RSPH14: variants seen among roughly 807,000 people sequenced by gnomAD.
RSPH14 encodes radial spoke head 14 homolog.
Under a neutral mutation model 26.7 loss-of-function variants are expected in RSPH14, and 20 were observed. That is an observed-to-expected ratio of 0.75 (90% CI 0.53 to 1.09). The LOEUF is 1.09. RSPH14 is among the 50% of genes least tolerant of loss of function. The pLI is 0.00. For synonymous variants in RSPH14, 177 were observed against 189.3 expected (o/e 0.93, Z 0.53); for missense variants, 449 against 457.2 (o/e 0.98, Z 0.16).
chr22:23,162,600 T>C, the RSPH14 span: 1 of 454,780 alleles, frequency 2.2e-6, no homozygotes, highest in African/African-American at 2.0e-5. Flanking sequence ...CCCCACACAT[T>C]CCCCAGCCTC....
At chr22:23,144,897 A>C (rs1328605153), upstream of RSPH14, 1 of 156,940 alleles carries the variant, frequency 6.4e-6, no homozygotes, top group East Asian at 1.9e-4. Flanking sequence ...ATCTAGCCCA[A>C]AACAGCTAAC....
chr22:23,140,214 A>G lies in RSPH14; in HGVS notation c.199+8T>C. ...CAGTCATGGTCACCTGTGCTGTGTC[A>G]CGCTCACCTATGTTCATGGCCTTGT... On this transcript the variant is annotated splice_region_variant and intron_variant, in intron 2 of 6. Transcript: ENST00000216036. The G allele has an allele frequency of 6.2e-7, 1 of 1,612,960 alleles. No individual in the cohort carries two copies. The highest frequency in any genetic ancestry group is 8.5e-7 in the Non-Finnish European group (1 of 1,180,012).
the RSPH14 span, chr22:23,159,107 T>C: frequency 1.3e-6 from 2 of 1,590,612 alleles, no homozygotes; most frequent in Non-Finnish European, 1.7e-6. Context: ...CCTATCCCCC[T>C]GGGCCTCCCT....
At chr22:23,132,025 C>A (rs2070368892) in intron 4 of RSPH14, among the ~76,000 whole-genome samples, 1 of 152,234 alleles carries the variant, frequency 6.6e-6, no homozygotes, top group Admixed American at 6.5e-5. Flanking sequence ...GTAGTCATTT[C>A]TCTCTGAGCC....
At chr22:23,081,890 C>T (rs1001688992) in intron 4 of RSPH14, among the ~76,000 whole-genome samples, 16 of 149,658 alleles carry the variant, frequency 1.1e-4, no homozygotes, top group Non-Finnish European at 2.1e-4. Flanking sequence ...CTTTGGGGGG[C>T]CGAGGCGGGC....
the RSPH14 span, among the ~76,000 whole-genome samples, chr22:23,177,972 A>T: frequency 1.3e-5 from 2 of 152,126 alleles, no homozygotes; most frequent in East Asian, 3.9e-4. Flanking sequence ...GCTAATTTTT[A>T]AATTTTTTTG....
chr22:23,132,395 G>A (rs575091783), intron 4 of RSPH14, among the ~76,000 whole-genome samples: 3 of 152,270 alleles, frequency 2.0e-5, no homozygotes, highest in East Asian at 3.9e-4. Flanking sequence ...CTCGAGCCGT[G>A]GTATCGGGTA....
At chr22:23,161,467 G>A in the RSPH14 span, 1 of 1,566,630 alleles carries the variant, frequency 6.4e-7, no homozygotes, top group Non-Finnish European at 8.8e-7. Context: ...AGGATTCCTG[G>A]TTGATGCTAA....
chr22:23,153,470 G>A, the RSPH14 span: 1 of 673,104 alleles, frequency 1.5e-6, no homozygotes, highest in Non-Finnish European at 1.8e-6. Context: ...CACTCACCAG[G>A]CCAGCAGGGT....
the RSPH14 span, chr22:23,180,685 G>C: frequency 6.6e-6 from 1 of 151,304 alleles, no homozygotes; most frequent in Admixed American, 6.7e-5. Flanking sequence ...GCGGAGCGGA[G>C]AGCAGCGCCC....
the RSPH14 span, among the ~76,000 whole-genome samples, chr22:23,178,356 C>T: frequency 1.3e-5 from 2 of 150,194 alleles, no homozygotes; most frequent in African/African-American, 4.9e-5. Flanking sequence ...GCAGAGGTTG[C>T]GGTGAGCAGA....
chr22:23,130,161 A>AAGAG (rs1443157727), intron 4 of RSPH14, among the ~76,000 whole-genome samples: 59 of 138,506 alleles, frequency 4.3e-4, no homozygotes, highest in African/African-American at 8.5e-4. Context: ...GAAAGAAAGA[A>AAGAG]AAAGAAAAAG....
At chr22:23,133,914 T>G (rs1400957341) in intron 4 of RSPH14, 112 bp downstream of exon 4, 11 of 726,758 alleles carry the variant, frequency 1.5e-5, no homozygotes, top group Non-Finnish European at 2.4e-5. Flanking sequence ...ATATGTATGT[T>G]GTAATTTAAT....
At chr22:23,155,899 C>T in the RSPH14 span, 3 of 1,432,298 alleles carry the variant, frequency 2.1e-6, no homozygotes, top group Non-Finnish European at 2.8e-6. Flanking sequence ...GTCCCGTAGC[C>T]TGTTGGCTCA....
upstream of RSPH14, chr22:23,145,863 G>A (rs2070740861): frequency 3.5e-6 from 2 of 564,422 alleles, no homozygotes; most frequent in Admixed American, 6.4e-5. Context: ...GGCTCGAGGA[G>A]TCAGAGGCCT....
At chr22:23,102,401 C>T (rs1174291291) in intron 4 of RSPH14, among the ~76,000 whole-genome samples, 2 of 152,226 alleles carry the variant, frequency 1.3e-5, no homozygotes, top group African/African-American at 4.8e-5. Flanking sequence ...CTTCCTTCCT[C>T]TGCTCCCAGG....
At chr22:23,122,102 G>T (rs2070047442) in intron 4 of RSPH14, among the ~76,000 whole-genome samples, 1 of 152,176 alleles carries the variant, frequency 6.6e-6, no homozygotes, top group African/African-American at 2.4e-5. Flanking sequence ...TTTGCTCATT[G>T]AGTTTATCTT....
At chr22:23,086,235 G>A (rs962013245) in intron 4 of RSPH14, among the ~76,000 whole-genome samples, 3 of 152,236 alleles carry the variant, frequency 2.0e-5, no homozygotes, top group Admixed American at 6.5e-5. Flanking sequence ...CTGCAGTCCC[G>A]TGGGGCCCAG....
chr22:23,121,745 A>G (rs1343582097), intron 4 of RSPH14, among the ~76,000 whole-genome samples: 4 of 144,962 alleles, frequency 2.8e-5, no homozygotes, highest in East Asian at 4.0e-4. Flanking sequence ...TTTTTGAGAC[A>G]GAGTCTCGCT....
Sources: gnomAD v4.1 joint callset for allele counts (sites outside exome capture counted in the v4.1 genomes callset) on GRCh38, gnomAD v4.1.1 for gene constraint, MANE v1.5 for transcripts, NCBI Gene and HGNC (gene_info 2026-07-23, HGNC 2026-07-21) for gene names.